The following ABCA13 variants were observed in gnomAD, a reference collection of about 807,000 sequenced individuals.
ABCA13 encodes ATP binding cassette subfamily A member 13.
ABCA13 carries 476 observed loss-of-function variants against 478.7 expected under a neutral mutation model. That is an observed-to-expected ratio of 0.99 (90% CI 0.92 to 1.07). ABCA13 has a LOEUF of 1.07. ABCA13 is among the 50% of genes least tolerant of loss of function. ABCA13 has a pLI of 0.00. For synonymous variants in ABCA13, 2,252 were observed against 2,158.9 expected (o/e 1.04, Z -1.20); for missense variants, 6,060 against 5,910.6 (o/e 1.03, Z -0.83).
intron 60 of ABCA13, among the ~76,000 whole-genome samples, chr7:48,644,278 A>T (rs1795294159): frequency 6.6e-6 from 1 of 152,072 alleles, no homozygotes; most frequent in Admixed American, 6.6e-5. Context: ...CCAGTGTAAA[A>T]CTCAGGGCCC....
intron 27 of ABCA13, among the ~76,000 whole-genome samples, chr7:48,328,226 T>A (rs1804624806): frequency 6.6e-6 from 1 of 152,086 alleles, no homozygotes; most frequent in African/African-American, 2.4e-5. Context: ...TGCAGAGCAA[T>A]GGGGAAGGGC....
intron 58 of ABCA13, among the ~76,000 whole-genome samples, chr7:48,608,503 C>T (rs1037029178): frequency 6.6e-5 from 10 of 152,220 alleles, no homozygotes; most frequent in South Asian, 2.1e-4. Context: ...GCTACATCCA[C>T]GTAATTCCAG....
chr7:48,367,638 A>C, intron 31 of ABCA13, among the ~76,000 whole-genome samples, 156 bp from the exon 32 acceptor site: 1 of 152,154 alleles, frequency 6.6e-6, no homozygotes, highest in East Asian at 1.9e-4. Context: ...AAATCAGCAC[A>C]CCAATCATGG....
At position 48,300,075 on chromosome 7, in the gene ABCA13, G is replaced by A. The variant is rs114761686; in HGVS notation, c.9321+1588G>A. Reference sequence around the variant, plus strand: ...GATCCTAGGCAAGGAATTAACATTAGGTTAGGAGGTGACACTTTGGATACT... The same window carrying A: ...GATCCTAGGCAAGGAATTAACATTAAGTTAGGAGGTGACACTTTGGATACT... On this transcript the variant is annotated intron_variant, in intron 23 of 61. Transcript: ENST00000435803. Among the ~76,000 whole-genome samples, 494 of 152,332 alleles carry A rather than the reference G, an allele frequency of 3.2e-3. 1 individual carries two copies. Among genetic ancestry groups the A allele is most frequent in the African/African-American group, 0.01 (421 of 41,570 alleles).
intron 45 of ABCA13, among the ~76,000 whole-genome samples, chr7:48,478,536 A>C (rs1369110694): frequency 6.6e-6 from 1 of 152,092 alleles, no homozygotes; most frequent in East Asian, 1.9e-4. Flanking sequence ...GAAGTTCAGA[A>C]GTTTATATAT....
chr7:48,532,568 A>G (rs1833313137), intron 55 of ABCA13, among the ~76,000 whole-genome samples: 1 of 152,076 alleles, frequency 6.6e-6, no homozygotes, highest in South Asian at 2.1e-4. Context: ...AATAGTGTCA[A>G]TAGGATTGGT....
chr7:48,460,058 C>G (rs1563293459), intron 43 of ABCA13, among the ~76,000 whole-genome samples: 2 of 152,050 alleles, frequency 1.3e-5, no homozygotes, highest in South Asian at 2.1e-4. Flanking sequence ...AGTTCTCCAA[C>G]TAGGAGACCT....
At chr7:48,535,362 A>G (rs1192456287) in intron 55 of ABCA13, among the ~76,000 whole-genome samples, 1 of 152,218 alleles carries the variant, frequency 6.6e-6, no homozygotes, top group African/African-American at 2.4e-5. Flanking sequence ...GATGTGATCC[A>G]TCTTCAGGTC....
At chr7:48,435,370 G>A (rs926322496) in intron 42 of ABCA13, among the ~76,000 whole-genome samples, 3 of 151,724 alleles carry the variant, frequency 2.0e-5, no homozygotes, top group African/African-American at 7.3e-5. Context: ...TGAAACTTTG[G>A]TGAATTTGTT....
chr7:48,555,416 T>G (rs1177054685), intron 55 of ABCA13, among the ~76,000 whole-genome samples: 1 of 151,936 alleles, frequency 6.6e-6, no homozygotes, highest in Non-Finnish European at 1.5e-5. Flanking sequence ...TATTAATTTG[T>G]TAAACATTTG....
intron 38 of ABCA13, 69 bp from the exon 39 acceptor site, chr7:48,403,614 C>T (rs1278101368): frequency 6.8e-7 from 1 of 1,471,662 alleles, no homozygotes; most frequent in African/African-American, 1.4e-5. Flanking sequence ...GTCATTATTT[C>T]TGGAGTGAAA....
chr7:48,293,196 C>CACCCG (rs1054093982), intron 20 of ABCA13, among the ~76,000 whole-genome samples: 2 of 131,858 alleles, frequency 1.5e-5, no homozygotes, highest in African/African-American at 5.3e-5. Flanking sequence ...TCTTCAGCCC[C>CACCCG]CCCCCCGCCA....
chr7:48,546,711 A>T (rs1784848030), intron 55 of ABCA13, among the ~76,000 whole-genome samples: 1 of 151,630 alleles, frequency 6.6e-6, no homozygotes, highest in South Asian at 2.1e-4. Flanking sequence ...GTGAACAATA[A>T]CTATGAAGTG....
intron 1 of ABCA13, among the ~76,000 whole-genome samples, chr7:48,174,739 C>T (rs1794614136): frequency 6.6e-6 from 1 of 152,146 alleles, no homozygotes; most frequent in Admixed American, 6.5e-5. Flanking sequence ...CTTAGGCATA[C>T]ATAATGAAAT....
Position 48,272,193 on chromosome 7 carries a change from T to G in ABCA13, c.2527T>G (p.Ser843Ala). The change falls in exon 17 of 62, where the codon TCA (serine) becomes GCA (alanine). Residue 843 changes from serine to alanine, a missense_variant. Coordinates refer to ENST00000435803, the MANE Select transcript of ABCA13 (RefSeq NM_152701.5). ...ACTAGAATTATGGGCCTATGGCATT[T>G]CAAAAGGAAAAAGAGCTAAATTGGA... is the stretch of plus-strand genomic sequence containing the variant. ...KLLELWAYGISKGKRAKLENF... is the reference protein window; with the variant it reads ...KLLELWAYGIAKGKRAKLENF... 6.2e-7 allele frequency: 1 copy of G among 1,611,668 alleles called. No homozygotes were observed. Among genetic ancestry groups the G allele is most frequent in the East Asian group, 2.2e-5 (1 of 44,846 alleles).
In ABCA13 at chr7:48,287,845, A is replaced by G. The variant is rs759069202; in HGVS notation, c.8837-115A>G. ...ATCTGAATGTTCATCTTGATGATTT[A>G]AGAAATGTTTAGGAATTTGTATCAC... On this transcript the variant is annotated intron_variant, in intron 19 of 61. Transcript: ENST00000435803. 100 of 756,854 alleles carry G rather than the reference A, an allele frequency of 1.3e-4. 1 individual carries two copies. The Admixed American group carries it at 1.6e-3, about 12-fold the overall frequency. The allele number at this position is 756,854 out of a possible 1,614,324, so 46.9% of individuals were successfully genotyped here.
chr7:48,368,733 TTA>T (rs1178328047), intron 32 of ABCA13, among the ~76,000 whole-genome samples: 5 of 131,550 alleles, frequency 3.8e-5, no homozygotes, highest in African/African-American at 1.4e-4. Flanking sequence ...ACACACACAT[TTA>T]TATATATACA....
intron 52 of ABCA13, among the ~76,000 whole-genome samples, chr7:48,518,957 T>C (rs1018171415): frequency 6.6e-6 from 1 of 152,070 alleles, no homozygotes; most frequent in Non-Finnish European, 1.5e-5. Flanking sequence ...CGTAATGCTC[T>C]CCCTCCCCCA....
intron 14 of ABCA13, 71 bp downstream of exon 14, chr7:48,248,515 A>G (rs1358757980): frequency 1.6e-5 from 20 of 1,238,062 alleles, no homozygotes; most frequent in Non-Finnish European, 2.1e-5. Context: ...CCCCTTCTAC[A>G]CAAATGATAG....
Sources: gnomAD v4.1 joint callset for allele counts (sites outside exome capture counted in the v4.1 genomes callset) on GRCh38, gnomAD v4.1.1 for gene constraint, MANE v1.5 for transcripts, NCBI Gene and HGNC (gene_info 2026-07-23, HGNC 2026-07-21) for gene names.